LIG3: variants seen among roughly 807,000 people sequenced by gnomAD.
LIG3 encodes the protein ligase II, DNA, ATP-dependent.
In LIG3, 58 loss-of-function variants were observed where a neutral mutation model predicts 110.9. That is an observed-to-expected ratio of 0.52 (90% confidence interval 0.42 to 0.65). LIG3 has a LOEUF of 0.65. Ranked by LOEUF, LIG3 falls within the 30% of genes least tolerant of loss-of-function variation. The pLI, the probability that LIG3 is intolerant of heterozygous loss-of-function variation, is 0.00. For synonymous variants in LIG3, 422 were observed against 472.8 expected, an observed-to-expected ratio of 0.89 and a Z score of 1.39; for missense variants, 1,094 against 1,273.8, an observed-to-expected ratio of 0.86 and a Z score of 2.15.
At position 35,004,602 on chromosome 17, in the gene LIG3, A is replaced by C. The variant is rs2090880839; in HGVS notation, c.*96A>C. 1 of 1,028,606 alleles carries C rather than the reference A, an allele frequency of 9.7e-7. No homozygotes were observed. The allele number at this position is 1,028,606 out of a possible 1,614,324, so 63.7% of individuals were successfully genotyped here. On this transcript the variant is annotated 3_prime_UTR_variant, in exon 20 of 20. Transcript: ENST00000378526. ...GGCAGATAGACACAGTATAGGGGGA[A>C]TGGGCTTGCTTCTCCCAAACCCACC... is the stretch of plus-strand genomic sequence containing the variant.
Position 34,983,022 on chromosome 17 carries a change from A to G in LIG3, c.17A>G (p.Lys6Arg). The G allele has an allele frequency of 6.3e-7, 1 of 1,581,844 alleles. No homozygotes were observed. Among genetic ancestry groups the G allele is most frequent in the East Asian group, 2.2e-5 (1 of 44,456 alleles). The change falls in exon 2 of 20, where the codon AAG (lysine) becomes AGG (arginine). Residue 6 changes from lysine (K) to arginine (R), a missense_variant. Coordinates refer to ENST00000378526, the MANE Select transcript of LIG3 (RefSeq NM_013975.4). The part of the protein sequence containing the change: MSLAF[K>R]IFFPQTLRAL... ...TACAGCTATATGTCTTTGGCTTTCA[A>G]GATCTTCTTTCCACAAACCCTCCGT...
At chr17:34,987,685 C>T (rs1260668869) in intron 3 of LIG3, among the ~76,000 whole-genome samples, 1 of 152,224 alleles carries the variant, frequency 6.6e-6, no homozygotes, top group Non-Finnish European at 1.5e-5. Context: ...TATGAAGCAG[C>T]AGTGGCCTCT....
chr17:35,009,491 G>T lies in LIG3; in HGVS notation c.*4985G>T, dbSNP rs901907018. ...TGAGGGGCAGAAGGGAGGATTCAAAGATTTAAAAAAAATCAAATTTTAGAC... is the reference window on the plus strand; with the variant it reads ...TGAGGGGCAGAAGGGAGGATTCAAATATTTAAAAAAAATCAAATTTTAGAC... On this transcript the variant is annotated 3_prime_UTR_variant, in exon 20 of 20. Coordinates refer to ENST00000378526, the MANE Select transcript of LIG3 (RefSeq NM_013975.4). 1.3e-5 allele frequency: 2 copies of T among 150,388 alleles called. No homozygotes were observed. The highest frequency in any genetic ancestry group is 2.1e-4 in the South Asian group (1 of 4,774). 9.3% of individuals were successfully genotyped at this position (150,388 alleles called of 1,614,324 possible). A position where few individuals can be genotyped will look rare whatever the true frequency, so the allele number is the denominator to read the frequency against.
rs565175929 is a variant in LIG3 at position 35,005,052 on chromosome 17, T to C, written c.*546T>C. On this transcript the variant is annotated 3_prime_UTR_variant, in exon 20 of 20. Transcript: ENST00000378526. ...CTCATGTGAAAGAAAACAAAATGAA[T>C]TTTTTTACTTTCTTCTCTGTGTTCT... is the stretch of plus-strand genomic sequence containing the variant. The C allele has an allele frequency of 3.3e-6, 1 of 302,316 alleles. No homozygotes were observed. Among genetic ancestry groups the C allele is most frequent in the East Asian group, 7.9e-5 (1 of 12,730 alleles). 18.7% of individuals were successfully genotyped at this position (302,316 alleles called of 1,614,324 possible).
chr17:34,991,532 C>CT, intron 5 of LIG3, 139 bp from the exon 6 acceptor site: 1 of 796,452 alleles, frequency 1.3e-6, no homozygotes, highest in Non-Finnish European at 2.0e-6. Context: ...GCTAGTGTCT[C>CT]TAAGAAGTGG....
At position 34,998,735 on chromosome 17, in the gene LIG3, T is replaced by C; in HGVS notation, c.2113+8T>C. ...ATGGGCAAGGGAGCAAAGGTCAGGG[T>C]GGCCTCTGCCCCCTGGGGTGGTACT... On this transcript the variant is annotated splice_region_variant and intron_variant, in intron 14 of 19. Transcript: ENST00000378526. The C allele has an allele frequency of 1.2e-6, 2 of 1,613,314 alleles. No homozygotes were observed. The highest frequency in any genetic ancestry group is 1.7e-6 in the Non-Finnish European group (2 of 1,179,614).
chr17:34,989,915 T>G, intron 4 of LIG3: 1 of 485,730 alleles, frequency 2.1e-6, no homozygotes, highest in Non-Finnish European at 3.7e-6. Context: ...CCCCTTATTC[T>G]GCTCCTAGGA....
Position 34,992,379 on chromosome 17 carries a change from T to C in LIG3, c.1287-145T>C, listed in dbSNP as rs3135987. 7.0e-4 allele frequency: 669 copies of C among 950,034 alleles called. 5 individuals carry two copies. In the African/African-American group the frequency reaches 0.01, roughly 15 times the overall value. The allele number at this position is 950,034 out of a possible 1,614,324, so 58.9% of individuals were successfully genotyped here. ...AGCTGAATTTTCCAAGAGCTTTCTC[T>C]CCTCTTGTGAAAGTCTTTAGACAAT... On this transcript the variant is annotated intron_variant, in intron 7 of 19. Coordinates refer to ENST00000378526, the MANE Select transcript of LIG3 (RefSeq NM_013975.4).
rs779722075 is a variant in LIG3 at position 34,998,296 on chromosome 17, G to A, written c.1989G>A (p.Lys663=). 6 of 1,612,052 alleles carry A rather than the reference G, an allele frequency of 3.7e-6. No homozygotes were observed. The South Asian group carries it at 4.4e-5, about 12-fold the overall frequency. Reference sequence around the variant, plus strand: ...AGGGGCTGGTGCTGAAGGATGTGAAGGTAAAGTGGCCTCGCTTGGCTTCTC... The same window carrying A: ...AGGGGCTGGTGCTGAAGGATGTGAAAGTAAAGTGGCCTCGCTTGGCTTCTC... ...GLEGLVLKDV[K]GTYEPGKRHW... is the part of the protein sequence containing the mutation. Residue 663 remains lysine (K), a splice_region_variant and synonymous_variant, in exon 13 of 20, where the codon AAG becomes AAA. Coordinates refer to ENST00000378526, the MANE Select transcript of LIG3 (RefSeq NM_013975.4).
intron 9 of LIG3, 42 bp downstream of exon 9, chr17:34,994,473 T>C (rs746792323): frequency 5.6e-6 from 9 of 1,595,502 alleles, no homozygotes; most frequent in Non-Finnish European, 6.8e-6. Flanking sequence ...CTTTCCCCTT[T>C]CTGCCTCTAA....
Position 35,004,277 on chromosome 17 carries a change from T to C in LIG3, c.2801T>C (p.Leu934Ser), listed in dbSNP as rs780318919. ...CTGACCCCTCTGCATTTGCAGGTAT[T>C]GCTGGACATCTTCACTGGGGTGCGG... ...ADETLCQTKVLLDIFTGVRLY... is the reference protein window; with the variant it reads ...ADETLCQTKVSLDIFTGVRLY... The change falls in exon 20 of 20, where the codon TTG becomes TCG. Residue 934 changes from leucine to serine, a missense_variant. Leu to Ser is a moderately radical substitution (Grantham distance 145, BLOSUM62 -2). Transcript: ENST00000378526. 1.2e-6 allele frequency: 2 copies of C among 1,613,996 alleles called. No individual in the cohort carries two copies. The highest frequency in any genetic ancestry group is 2.2e-5 in the South Asian group (2 of 91,062).
At chr17:34,990,404 C>T (rs1597793980) in intron 4 of LIG3, among the ~76,000 whole-genome samples, 2 of 151,948 alleles carry the variant, frequency 1.3e-5, no homozygotes, top group Non-Finnish European at 2.9e-5. Flanking sequence ...CTCAGCCTCC[C>T]AAGTAGCTGG....
chr17:34,998,493 T>C, intron 13 of LIG3, 111 bp from the exon 14 acceptor site: 1 of 1,380,956 alleles, frequency 7.2e-7, no homozygotes, highest in Non-Finnish European at 1.0e-6. Flanking sequence ...TGAGGGCTCT[T>C]ACCCTGAGGG....
At chr17:35,001,483 T>C in intron 17 of LIG3, 80 bp downstream of exon 17, 1 of 1,390,672 alleles carries the variant, frequency 7.2e-7, no homozygotes, top group Non-Finnish European at 1.0e-6. Flanking sequence ...ACCATTCACA[T>C]GTCCTCTGTC....
chr17:34,980,740 G>A, intron 1 of LIG3, 118 bp downstream of exon 1: 2 of 448,628 alleles, frequency 4.5e-6, no homozygotes, highest in South Asian at 9.3e-5. Flanking sequence ...TCCCCCGCCC[G>A]CCTGCGGAGC....
In LIG3 at chr17:34,983,416, G is replaced by A. The variant is rs1225236688; in HGVS notation, c.411G>A (p.Trp137Ter). Reference protein sequence around the residue: ...FSESGGDMKEWYHIKCMFEKL... With the variant: ...FSESGGDMKE ...AGTCTGGGGGTGATATGAAAGAGTG[G>A]TACCACATTAAATGCATGTTTGAGA... The change falls in exon 2 of 20, where the codon TGG becomes TGA. Residue 137 changes from tryptophan (W) to a stop codon, truncating the protein, a stop_gained. Transcript: ENST00000378526. LOFTEE classifies it high-confidence loss of function. 1.2e-6 allele frequency: 2 copies of A among 1,614,166 alleles called. No individual in the cohort carries two copies. The highest frequency in any genetic ancestry group is 1.3e-5 in the African/African-American group (1 of 75,024).
At chr17:34,995,119 T>C (rs1326128539) in intron 9 of LIG3, among the ~76,000 whole-genome samples, 1 of 152,212 alleles carries the variant, frequency 6.6e-6, no homozygotes, top group African/African-American at 2.4e-5. Flanking sequence ...ATCTTTGCTA[T>C]CCTTTTCTTT....
intron 18 of LIG3, 92 bp from the exon 19 acceptor site, chr17:35,002,576 G>A: frequency 1.4e-6 from 2 of 1,410,286 alleles, no homozygotes; most frequent in Admixed American, 4.3e-5. Context: ...ATAGCTCACT[G>A]CAGCCTCGAA....
At chr17:35,003,276 C>A in intron 19 of LIG3, 2 of 998,264 alleles carry the variant, frequency 2.0e-6, no homozygotes, top group Non-Finnish European at 2.8e-6. Flanking sequence ...TCTTGTCAGT[C>A]TTGGGTTTGG....
Sources: gnomAD v4.1 joint callset for allele counts (sites outside exome capture counted in the v4.1 genomes callset) on GRCh38, gnomAD v4.1.1 for gene constraint, MANE v1.5 for transcripts, NCBI Gene and HGNC (gene_info 2026-07-23, HGNC 2026-07-21) for gene names.